The following SERPINB11 variants were observed in gnomAD, a reference collection of about 807,000 sequenced individuals.
SERPINB11 encodes serpin B11.
A neutral mutation model predicts 36.7 loss-of-function variants in SERPINB11; 32 were observed. That is an observed-to-expected ratio of 0.87 (90% CI 0.66 to 1.17). The LOEUF is 1.17. SERPINB11 is among the 50% of genes most tolerant of loss of function. The probability of loss-of-function intolerance (pLI) is 0.00; values close to 1 mark genes in which losing one functional copy is unlikely to be tolerated. For missense variants in SERPINB11, 528 were observed against 458.4 expected (o/e 1.15, Z -1.39); for synonymous variants, 174 against 168.1 (o/e 1.04, Z -0.27).
intron 7 of SERPINB11, among the ~76,000 whole-genome samples, chr18:63,722,519 C>A (rs1448478017): frequency 1.3e-5 from 2 of 152,106 alleles, no homozygotes; most frequent in Non-Finnish European, 2.9e-5. Flanking sequence ...GGAGCAGCTA[C>A]CAGAAACAGT....
chr18:63,706,054 T>C (rs969614335), intron 1 of SERPINB11, among the ~76,000 whole-genome samples: 3 of 152,206 alleles, frequency 2.0e-5, no homozygotes, highest in African/African-American at 7.2e-5. Flanking sequence ...TTCTGTTATA[T>C]TTTTTAAAAA....
intron 7 of SERPINB11, among the ~76,000 whole-genome samples, chr18:63,721,608 C>G (rs1213749775): frequency 1.3e-5 from 2 of 152,174 alleles, no homozygotes. Context: ...TTAGGGGCTT[C>G]TAAGCCAGGG....
chr18:63,710,586 A>C (rs988980010), intron 2 of SERPINB11, among the ~76,000 whole-genome samples: 1 of 152,206 alleles, frequency 6.6e-6, no homozygotes, highest in East Asian at 1.9e-4. Context: ...CTTTTTTACT[A>C]TCAGTGGTAT....
At position 63,723,587 on chromosome 18, in the gene SERPINB11, GA is replaced by G; in HGVS notation, c.*193del. On this transcript the variant is annotated 3_prime_UTR_variant, in exon 8 of 8. Coordinates refer to ENST00000544088, the MANE Select transcript of SERPINB11 (RefSeq NM_001370475.1). ...TGAAGCTAAGGCTTTGTTAATCATG[GA>G]AAAAGGTAGATTTATGCAGAAAGCC... 3 of 530,200 alleles carry G rather than the reference GA, an allele frequency of 5.7e-6. No homozygotes were observed. Among genetic ancestry groups the G allele is most frequent in the East Asian group, 3.0e-5 (1 of 33,470 alleles). 32.8% of individuals were successfully genotyped at this position (530,200 alleles called of 1,614,324 possible). A position where few individuals can be genotyped will look rare whatever the true frequency, so the allele number is the denominator to read the frequency against.
At position 63,723,027 on chromosome 18, in the gene SERPINB11, T is replaced by C. The variant is rs1568189028; in HGVS notation, c.807T>C (p.His269=). 1.3e-6 allele frequency: 2 copies of C among 1,590,352 alleles called. No homozygotes were observed. The highest frequency in any genetic ancestry group is 2.2e-5 in the East Asian group (1 of 44,720). ...IEKQLNSGTF[H]EWTSSSNMME... The stretch of plus-strand genomic sequence containing the variant: ...AGCAGCTGAATTCGGGGACGTTTCA[T>C]GAGTGGACAAGCTCTTCTAACATGA... Residue 269 remains histidine, a synonymous_variant, in exon 8 of 8, where the codon CAT becomes CAC. Transcript: ENST00000544088.
intron 1 of SERPINB11, among the ~76,000 whole-genome samples, chr18:63,709,091 A>G (rs148308450): frequency 4.7e-4 from 71 of 152,388 alleles, no homozygotes; most frequent in African/African-American, 1.6e-3. Context: ...GGAACTGAAT[A>G]GAATGAACTC....
intron 3 of SERPINB11, among the ~76,000 whole-genome samples, chr18:63,711,861 A>G (rs1914535640): frequency 6.6e-6 from 1 of 152,110 alleles, no homozygotes; most frequent in Admixed American, 6.6e-5. Flanking sequence ...ATTATATAGA[A>G]CTCCTACATG....
chr18:63,708,732 C>A (rs1392150425), intron 1 of SERPINB11, among the ~76,000 whole-genome samples: 1 of 152,124 alleles, frequency 6.6e-6, no homozygotes, highest in Non-Finnish European at 1.5e-5. Context: ...TCAAGGTCAG[C>A]ATAAATGTGG....
chr18:63,708,801 A>G (rs994858460), intron 1 of SERPINB11, among the ~76,000 whole-genome samples: 1 of 152,198 alleles, frequency 6.6e-6, no homozygotes, highest in Non-Finnish European at 1.5e-5. Context: ...CACCCAGGGT[A>G]TGACTGTTCA....
chr18:63,712,475 G>A (rs1914550830), intron 3 of SERPINB11, 90 bp from the exon 4 acceptor site: 2 of 1,377,200 alleles, frequency 1.5e-6, no homozygotes, highest in African/African-American at 2.9e-5. Context: ...TTATTCAGAG[G>A]CAAACACCTT....
At chr18:63,713,027 A>G (rs769376391) in intron 4 of SERPINB11, among the ~76,000 whole-genome samples, 17 of 152,204 alleles carry the variant, frequency 1.1e-4, no homozygotes, top group Non-Finnish European at 1.8e-4. Context: ...TTAATAGTGG[A>G]GTATCAAGAA....
chr18:63,722,667 G>A (rs1468541216), intron 7 of SERPINB11, among the ~76,000 whole-genome samples: 2 of 152,178 alleles, frequency 1.3e-5, no homozygotes, highest in East Asian at 1.9e-4. Flanking sequence ...AGAAATGGTT[G>A]AGTCCATCCA....
In SERPINB11 at chr18:63,720,013, G is replaced by A. The variant is rs1259592389; in HGVS notation, c.476G>A (p.Gly159Glu). 1 of 1,593,028 alleles carries A rather than the reference G, an allele frequency of 6.3e-7. No homozygotes were observed. Among genetic ancestry groups the A allele is most frequent in the Non-Finnish European group, 8.5e-7 (1 of 1,172,084 alleles). ...ATAATTATCTTATTTTTTATACAAG[G>A]AAAAGTCGCAAATCTCTTTGGAAAG... Reference protein sequence around the residue: ...INAWVENKTNGKVANLFGKST... With the variant: ...INAWVENKTNEKVANLFGKST... The change falls in exon 6 of 8, where the codon GGA (glycine) becomes GAA (glutamate). Residue 159 changes from glycine to glutamate, a missense_variant and splice_region_variant. Transcript: ENST00000544088.
At chr18:63,719,973 A>G (rs1345829867) in intron 5 of SERPINB11, 40 bp from the exon 6 acceptor site, 1 of 1,514,980 alleles carries the variant, frequency 6.6e-7, no homozygotes, top group Non-Finnish European at 9.0e-7. Context: ...TATTATCAGG[A>G]GTTCAAATCC....
At position 63,723,252 on chromosome 18, in the gene SERPINB11, G is replaced by A. The variant is rs892798443; in HGVS notation, c.1032G>A (p.Thr344=). Residue 344 remains threonine, a synonymous_variant, in exon 8 of 8, where the codon ACG becomes ACA. Coordinates refer to ENST00000544088, the MANE Select transcript of SERPINB11 (RefSeq NM_001370475.1). ...ACCTGGATGTCAGCGAAGAGGGCAC[G>A]GAGGCAGCAGCAGCCACTGGGGACA... ...KSYLDVSEEG[T]EAAAATGDSI... 1.2e-5 allele frequency: 19 copies of A among 1,613,834 alleles called. No homozygotes were observed. The highest frequency in any genetic ancestry group is 1.6e-4 in the Middle Eastern group (1 of 6,082).
chr18:63,715,088 T>A (rs1387344774), intron 4 of SERPINB11, among the ~76,000 whole-genome samples: 2 of 152,220 alleles, frequency 1.3e-5, no homozygotes, highest in African/African-American at 4.8e-5. Flanking sequence ...GGTCCCTGAC[T>A]TCCCCCAACA....
At chr18:63,722,629 T>C (rs1308773268) in intron 7 of SERPINB11, among the ~76,000 whole-genome samples, 1 of 152,116 alleles carries the variant, frequency 6.6e-6, no homozygotes, top group Admixed American at 6.6e-5. Context: ...GAGGGTATCA[T>C]GAAATGTTTC....
intron 6 of SERPINB11, chr18:63,720,373 C>G (rs1914776976): frequency 2.0e-6 from 1 of 512,298 alleles, no homozygotes; most frequent in East Asian, 4.0e-5. Flanking sequence ...CTAAGATTCT[C>G]TGGCAGAGGA....
chr18:63,723,377 GT>G lies in SERPINB11; in HGVS notation c.1158del (p.Cys386TrpfsTer20), dbSNP rs769189663. On this transcript the variant is annotated frameshift_variant, in exon 8 of 8. Transcript: ENST00000544088. LOFTEE classifies it high-confidence loss of function. ...ACTCATACCAACACGATCCTATTCT[GT>G]GGCAAGCTTGCCTCTCCCTAATCAG... ...RHTHTNTILFCGKLASP is the reference protein window; with the variant it reads ...RHTHTNTILFXGKLASP 1 of 1,607,768 alleles carries G rather than the reference GT, an allele frequency of 6.2e-7. No individual in the cohort carries two copies. Among genetic ancestry groups the G allele is most frequent in the African/African-American group, 1.3e-5 (1 of 74,918 alleles).
Sources: gnomAD v4.1 joint callset for allele counts (sites outside exome capture counted in the v4.1 genomes callset) on GRCh38, gnomAD v4.1.1 for gene constraint, MANE v1.5 for transcripts, NCBI Gene and HGNC (gene_info 2026-07-23, HGNC 2026-07-21) for gene names.